TLN2: variants seen among roughly 807,000 people sequenced by gnomAD.
TLN2 encodes the protein talin-2.
A neutral mutation model predicts 294.7 loss-of-function variants in TLN2; 118 were observed. That is an observed-to-expected ratio of 0.40 (90% CI 0.34 to 0.47). TLN2 has a LOEUF of 0.47. TLN2 is among the 20% of genes least tolerant of loss of function. The pLI is 0.84. For synonymous variants in TLN2, 1,431 were observed against 1,304.5 expected (o/e 1.10, Z -2.09); for missense variants, 3,083 against 3,282.2 (o/e 0.94, Z 1.48).
chr15:62,752,025 A>G (rs1480303669), intron 34 of TLN2, among the ~76,000 whole-genome samples: 2 of 152,154 alleles, frequency 1.3e-5, no homozygotes, highest in East Asian at 3.9e-4. Context: ...CCATTCACCC[A>G]TGAGTTGCCT....
At chr15:62,423,962 G>A (rs759261158) in intron 1 of TLN2, among the ~76,000 whole-genome samples, 2 of 152,126 alleles carry the variant, frequency 1.3e-5, no homozygotes, top group Non-Finnish European at 1.5e-5. Flanking sequence ...TTCAAAGGCT[G>A]ACTAATGTTA....
intron 1 of TLN2, among the ~76,000 whole-genome samples, chr15:62,422,148 T>C (rs879298626): frequency 1.4e-5 from 2 of 141,198 alleles, no homozygotes; most frequent in Non-Finnish European, 3.0e-5. Context: ...TAATCTCTGC[T>C]ACTTGGGAGG....
At chr15:62,404,066 A>G (rs928583769) in intron 1 of TLN2, among the ~76,000 whole-genome samples, 1 of 152,198 alleles carries the variant, frequency 6.6e-6, no homozygotes, top group Non-Finnish European at 1.5e-5. Context: ...TTAGCCTTGG[A>G]TGAGGGAATG....
chr15:62,734,397 G>A (rs151106533), intron 28 of TLN2, among the ~76,000 whole-genome samples: 22 of 152,282 alleles, frequency 1.4e-4, no homozygotes, highest in East Asian at 1.4e-3. Flanking sequence ...CCTAAAACCC[G>A]TGAGAAAGGG....
chr15:62,621,279 C>T (rs923548480), intron 3 of TLN2, among the ~76,000 whole-genome samples: 12 of 152,182 alleles, frequency 7.9e-5, no homozygotes, highest in African/African-American at 2.7e-4. Context: ...GCAAAGGATG[C>T]AGGGTGATAT....
intron 37 of TLN2, among the ~76,000 whole-genome samples, chr15:62,760,666 G>A (rs570219879): frequency 6.6e-5 from 10 of 152,232 alleles, no homozygotes; most frequent in East Asian, 5.8e-4. Context: ...GAACCTCATC[G>A]AAGTGTTGAC....
rs907279251 is a variant in TLN2 at position 62,563,078 on chromosome 15, T to C, written c.-237-26609T>C. Among the ~76,000 whole-genome samples, 3 of 152,138 alleles carry C rather than the reference T, an allele frequency of 2.0e-5. No individual in the cohort carries two copies. In the East Asian group the frequency reaches 5.8e-4, roughly 29 times the overall value. On this transcript the variant is annotated intron_variant, in intron 1 of 58. Transcript: ENST00000636159. ...CATGCATGTATAAGTATTTTTTTTG[T>C]ATAATGACTTATTTTCCTCTGAGTA...
At chr15:62,542,143 A>G (rs182180129) in intron 1 of TLN2, among the ~76,000 whole-genome samples, 3 of 152,198 alleles carry the variant, frequency 2.0e-5, no homozygotes, top group Admixed American at 2.0e-4. Context: ...TCAAAATCAC[A>G]TGCTTAATTC....
chr15:62,479,351 A>C (rs978855048), intron 1 of TLN2, among the ~76,000 whole-genome samples: 2 of 152,118 alleles, frequency 1.3e-5, no homozygotes, highest in African/African-American at 2.4e-5. Context: ...ATGCCCTTAG[A>C]CTGGTGTGTA....
intron 3 of TLN2, among the ~76,000 whole-genome samples, chr15:62,630,450 T>C (rs1397669257): frequency 6.6e-6 from 1 of 152,210 alleles, no homozygotes; most frequent in Non-Finnish European, 1.5e-5. Flanking sequence ...CCTGCGGTCA[T>C]ACTGGTGGGA....
At chr15:62,756,458 G>T (rs2141008785) in intron 37 of TLN2, among the ~76,000 whole-genome samples, 1 of 152,242 alleles carries the variant, frequency 6.6e-6, no homozygotes, top group Non-Finnish European at 1.5e-5. Flanking sequence ...CTGGACAACA[G>T]ACCGCAGGCA....
intron 1 of TLN2, among the ~76,000 whole-genome samples, chr15:62,483,091 G>A (rs745595300): frequency 3.9e-5 from 6 of 152,188 alleles, no homozygotes; most frequent in Non-Finnish European, 8.8e-5. Context: ...TCAGAGGGAA[G>A]CTCCTTTGCT....
chr15:62,694,720 A>G (rs2058199800), intron 14 of TLN2, among the ~76,000 whole-genome samples: 1 of 152,192 alleles, frequency 6.6e-6, no homozygotes, highest in Non-Finnish European at 1.5e-5. Context: ...CCGTACCGTC[A>G]GGAGGTCAGA....
chr15:62,470,712 A>T (rs1018410722), intron 1 of TLN2, among the ~76,000 whole-genome samples: 4 of 152,154 alleles, frequency 2.6e-5, no homozygotes, highest in African/African-American at 9.7e-5. Context: ...TTTGTTACCC[A>T]CCGAGCCAGT....
At chr15:62,484,575 A>ACCAC (rs965898314) in intron 1 of TLN2, among the ~76,000 whole-genome samples, 2 of 151,942 alleles carry the variant, frequency 1.3e-5, no homozygotes, top group African/African-American at 4.8e-5. Context: ...TACAGGTGCT[A>ACCAC]CCACCACGCC....
intron 1 of TLN2, among the ~76,000 whole-genome samples, chr15:62,538,343 C>T (rs569141509): frequency 6.6e-6 from 1 of 152,290 alleles, no homozygotes; most frequent in South Asian, 2.1e-4. Context: ...ATATTAAGCA[C>T]CTACACTTCT....
chr15:62,486,858 C>T (rs28576176), intron 1 of TLN2, among the ~76,000 whole-genome samples: 2,024 of 150,136 alleles, frequency 0.013, 50 homozygotes, highest in African/African-American at 0.047. Context: ...AGTGGGCATC[C>T]TTGTTCTTTG....
At chr15:62,437,803 T>C (rs1404662589) in intron 1 of TLN2, among the ~76,000 whole-genome samples, 1 of 151,954 alleles carries the variant, frequency 6.6e-6, no homozygotes, top group African/African-American at 2.4e-5. Context: ...ATTGGTGCAG[T>C]GGCCTCTGCA....
chr15:62,494,524 C>A (rs1474981127), intron 1 of TLN2, among the ~76,000 whole-genome samples: 1 of 151,894 alleles, frequency 6.6e-6, no homozygotes, highest in Non-Finnish European at 1.5e-5. Context: ...AAGTTCAGGC[C>A]CCAGAGGGGA....
Sources: allele counts gnomAD v4.1 joint callset (sites outside exome capture counted in the v4.1 genomes callset), GRCh38; gene constraint gnomAD v4.1.1; transcripts MANE v1.5; gene names NCBI Gene and HGNC (gene_info 2026-07-23, HGNC 2026-07-21).